Variants in SPATA20 observed in about 807,000 individuals in gnomAD.
The protein encoded by SPATA20 is spermatogenesis associated 20.
A neutral mutation model predicts 98.9 loss-of-function variants in SPATA20; 74 were observed. That is an observed-to-expected ratio of 0.75 (90% CI 0.62 to 0.91). The LOEUF (loss-of-function observed/expected upper bound fraction) is 0.91, where lower values mean the gene tolerates loss of function less well. SPATA20 is among the 40% of genes least tolerant of loss of function. The pLI is 0.00. For synonymous variants in SPATA20, 430 were observed against 440.5 expected, an observed-to-expected ratio of 0.98 and a Z score of 0.30; for missense variants, 1,016 against 1,069.8, an observed-to-expected ratio of 0.95 and a Z score of 0.70.
At chr17:50,552,675 C>T (rs2035035895) in intron 14 of SPATA20, among the ~76,000 whole-genome samples, 1 of 151,464 alleles carries the variant, frequency 6.6e-6, no homozygotes, top group African/African-American at 2.4e-5. Context: ...AATTCTCCCA[C>T]CTCAGCCTCC....
rs766843639 is a variant in SPATA20 at position 50,550,936 on chromosome 17, A to G, written c.1383+19A>G. 1 of 1,612,332 alleles carries G rather than the reference A, an allele frequency of 6.2e-7. No homozygotes were observed. Among genetic ancestry groups the G allele is most frequent in the Admixed American group, 1.7e-5 (1 of 60,014 alleles). ...CAGTCAGGTGAGGACTTCTGGGGTC[A>G]CCTGACGGGCCCTGGTGCCTGCCAG... On this transcript the variant is annotated intron_variant, in intron 11 of 16. Coordinates refer to ENST00000006658, the MANE Select transcript of SPATA20 (RefSeq NM_022827.4).
At chr17:50,551,375 ATGTC>A (rs2035013174) in intron 12 of SPATA20, 132 bp from the exon 13 acceptor site, 10 of 1,258,288 alleles carry the variant, frequency 7.9e-6, no homozygotes, top group South Asian at 4.4e-5. Flanking sequence ...GAACCCCGCC[ATGTC>A]TGGCTTTGGA....
intron 2 of SPATA20, 165 bp from the exon 3 acceptor site, chr17:50,548,117 TA>T: frequency 6.7e-7 from 1 of 1,502,834 alleles, no homozygotes; most frequent in Non-Finnish European, 8.8e-7. Flanking sequence ...CCAAAAAACA[TA>T]AGGGGGAGCA....
rs142207712 is a variant in SPATA20, at chr17:50,554,457, G to A, written c.2157+7G>A. The A allele has an allele frequency of 1.0e-3, 1,652 of 1,609,110 alleles. 9 individuals are homozygous for A. Among genetic ancestry groups the A allele is most frequent in the Middle Eastern group, 9.4e-3 (57 of 6,042 alleles). On this transcript the variant is annotated splice_region_variant and intron_variant, in intron 15 of 16. Coordinates refer to ENST00000006658, the MANE Select transcript of SPATA20 (RefSeq NM_022827.4). Reference sequence around the variant, plus strand: ...GCAGCAGACCCTCAAGCAGGTGGGGGGTGAGGGCATCTGGGCTGGGACCTC... The same window carrying A: ...GCAGCAGACCCTCAAGCAGGTGGGGAGTGAGGGCATCTGGGCTGGGACCTC...
rs968778093 is a variant in SPATA20 at position 50,547,498 on chromosome 17, C to T, written c.77+213C>T. 85 of 642,986 alleles carry T rather than the reference C, an allele frequency of 1.3e-4. 1 individual carries two copies. The highest frequency in any genetic ancestry group is 2.0e-4 in the Non-Finnish European group (70 of 354,952). 39.8% of individuals were successfully genotyped at this position (642,986 alleles called of 1,614,324 possible). ...CCCGTCCTCATCCCTTCCCTCCTCT[C>T]CCCTTCCTTCCAGTGCAGTGCCAGC... On this transcript the variant is annotated intron_variant, in intron 1 of 16. Transcript: ENST00000006658.
At chr17:50,548,046 C>G (rs1218795761) in intron 2 of SPATA20, 15 of 1,483,784 alleles carry the variant, frequency 1.0e-5, no homozygotes, top group Non-Finnish European at 1.2e-5. Flanking sequence ...CCGCCAGGCC[C>G]AGGAGGTTGG....
chr17:50,551,063 T>A lies in SPATA20; in HGVS notation c.1449T>A (p.Ala483=). The A allele has an allele frequency of 1.2e-6, 2 of 1,613,442 alleles. No individual in the cohort carries two copies. The highest frequency in any genetic ancestry group is 1.7e-6 in the Non-Finnish European group (2 of 1,180,012). ...TCCGGTACTCGCTGGAGCTGACTGC[T>A]GCCCGCTTTGGCTTGGATGTGGAGG... The part of the protein sequence containing the change: ...LTVRYSLELT[A]ARFGLDVEAV... The change falls in exon 12 of 17, where the codon GCT becomes GCA. Residue 483 remains alanine, a synonymous_variant. Coordinates refer to ENST00000006658, the MANE Select transcript of SPATA20 (RefSeq NM_022827.4).
Position 50,552,187 on chromosome 17 carries a change from G to C in SPATA20, c.1957+7G>C, listed in dbSNP as rs375591261. On this transcript the variant is annotated splice_region_variant and intron_variant, in intron 14 of 16. Transcript: ENST00000006658. ...CCCCTGCGTCTGAAGGACGGTCAGT[G>C]GGGGTGCAGGGCTAGTCTGGGGTCC... 25 of 1,612,826 alleles carry C rather than the reference G, an allele frequency of 1.6e-5. No individual in the cohort carries two copies. In the East Asian group the frequency reaches 4.9e-4, roughly 32 times the overall value.
chr17:50,551,306 T>C (rs1030659502), intron 12 of SPATA20, 116 bp downstream of exon 12: 1 of 1,230,440 alleles, frequency 8.1e-7, no homozygotes. Flanking sequence ...TTATTCTCAG[T>C]TGACAAAAGA....
chr17:50,553,831 TC>T (rs2035052861), intron 14 of SPATA20, among the ~76,000 whole-genome samples: 1 of 152,116 alleles, frequency 6.6e-6, no homozygotes, highest in African/African-American at 2.4e-5. Flanking sequence ...TGGTGAAGGC[TC>T]AGAGGATGTG....
In SPATA20 at chr17:50,555,717, G is replaced by T; in HGVS notation, c.*55G>T. ...AGGTGAAGCATCCCAACTGACTAGA[G>T]ACTCAGGCCCTGCAGGGCCCTATAG... is the stretch of plus-strand genomic sequence containing the variant. On this transcript the variant is annotated 3_prime_UTR_variant, in exon 17 of 17. Coordinates refer to ENST00000006658, the MANE Select transcript of SPATA20 (RefSeq NM_022827.4). 6.5e-7 allele frequency: 1 copy of T among 1,533,510 alleles called. No individual in the cohort carries two copies. The highest frequency in any genetic ancestry group is 1.2e-5 in the South Asian group (1 of 84,992). 95.0% of individuals were successfully genotyped at this position (1,533,510 alleles called of 1,614,324 possible). A position where few individuals can be genotyped will look rare whatever the true frequency, so the allele number is the denominator to read the frequency against.
At chr17:50,552,254 C>A in intron 14 of SPATA20, 74 bp downstream of exon 14, 2 of 1,303,146 alleles carry the variant, frequency 1.5e-6, no homozygotes, top group Non-Finnish European at 2.2e-6. Flanking sequence ...CTGGTGTGGG[C>A]AGGAGCCCTC....
chr17:50,550,966 G>T, intron 11 of SPATA20, 32 bp from the exon 12 acceptor site: 3 of 1,612,234 alleles, frequency 1.9e-6, no homozygotes, highest in Non-Finnish European at 2.5e-6. Flanking sequence ...TGCCAGGCGT[G>T]TGAGCTCGCA....
At position 50,551,061 on chromosome 17, in the gene SPATA20, G is replaced by A. The variant is rs1317534985; in HGVS notation, c.1447G>A (p.Ala483Thr). The A allele has an allele frequency of 6.2e-7, 1 of 1,613,324 alleles. No homozygotes were observed. The highest frequency in any genetic ancestry group is 1.3e-5 in the African/African-American group (1 of 74,944). Residue 483 changes from alanine to threonine, a missense_variant, in exon 12 of 17, where the codon GCT (alanine) becomes ACT (threonine). Ala to Thr is a moderately conservative substitution (Grantham distance 58, BLOSUM62 0). Transcript: ENST00000006658. ...CGTCCGGTACTCGCTGGAGCTGACT[G>A]CTGCCCGCTTTGGCTTGGATGTGGA... ...LTVRYSLELT[A>T]ARFGLDVEAV... is the part of the protein sequence containing the mutation.
chr17:50,548,575 C>T lies in SPATA20; in HGVS notation c.318C>T (p.Ala106=). The T allele has an allele frequency of 6.2e-7, 1 of 1,613,676 alleles. No homozygotes were observed. The highest frequency in any genetic ancestry group is 8.5e-7 in the Non-Finnish European group (1 of 1,179,864). ...CTAGGTACCCCTGGGGACAGGAAGC[C>T]TTCGACAAGGCCAGGAAGGAAAACA... is the stretch of plus-strand genomic sequence containing the variant. The part of the protein sequence containing the change: ...PVDWYPWGQE[A]FDKARKENKP... Residue 106 remains alanine, a synonymous_variant, in exon 4 of 17, where the codon GCC becomes GCT. Coordinates refer to ENST00000006658, the MANE Select transcript of SPATA20 (RefSeq NM_022827.4).
In SPATA20 at chr17:50,549,099, G is replaced by A; in HGVS notation, c.573G>A (p.Gln191=). Residue 191 remains glutamine, a synonymous_variant, in exon 6 of 17, where the codon CAG becomes CAA. Transcript: ENST00000006658. ...PMNVWLTPNL[Q]PFVGGTYFPP... ...ATGTGTGGCTGACTCCCAACCTCCA[G>A]CCCTTTGTCGGGGGCACCTATTTCC... The A allele has an allele frequency of 1.2e-6, 2 of 1,613,458 alleles. No individual in the cohort carries two copies. The highest frequency in any genetic ancestry group is 2.2e-5 in the East Asian group (1 of 44,882).
rs1212252639 is a variant in SPATA20, at chr17:50,548,538, AC to A, written c.297-13del. On this transcript the variant is annotated splice_polypyrimidine_tract_variant and intron_variant, in intron 3 of 16. Transcript: ENST00000006658. ...CCCCTGGGCTACTGAGTGATGCCCC[AC>A]CCTGCTGGGTCTAGGTACCCCTGGG... 1.2e-6 allele frequency: 2 copies of A among 1,613,280 alleles called. No individual in the cohort carries two copies. Among genetic ancestry groups the A allele is most frequent in the Admixed American group, 3.3e-5 (2 of 59,922 alleles).
In SPATA20 at chr17:50,551,462, G is replaced by A. The variant is rs762624326; in HGVS notation, c.1577-49G>A. On this transcript the variant is annotated intron_variant, in intron 12 of 16. Coordinates refer to ENST00000006658, the MANE Select transcript of SPATA20 (RefSeq NM_022827.4). ...CTAAGGTGATAGGGTGGACATGCCTGGAGGGTCCTGGCCAGCTTCTTACCA... is the reference window on the plus strand; with the variant it reads ...CTAAGGTGATAGGGTGGACATGCCTAGAGGGTCCTGGCCAGCTTCTTACCA... The A allele has an allele frequency of 3.2e-6, 5 of 1,561,314 alleles. No individual in the cohort carries two copies. The Admixed American group carries it at 6.9e-5, about 21-fold the overall frequency.
Position 50,552,092 on chromosome 17 carries a change from GGACAA to G in SPATA20, c.1871_1875del (p.Asp624AlafsTer14). The G allele has an allele frequency of 6.2e-7, 1 of 1,613,870 alleles. No homozygotes were observed. Among genetic ancestry groups the G allele is most frequent in the Non-Finnish European group, 8.5e-7 (1 of 1,180,002 alleles). On this transcript the variant is annotated frameshift_variant, in exon 14 of 17. Coordinates refer to ENST00000006658, the MANE Select transcript of SPATA20 (RefSeq NM_022827.4). LOFTEE classifies it high-confidence loss of function. ...GGGCTCTGCGGCTGCAGGACACACA[GGACAA>G]GCTCTTTTGGGACTCCCAGGGTGGC...
Sources: allele counts gnomAD v4.1 joint callset (sites outside exome capture counted in the v4.1 genomes callset), GRCh38; gene constraint gnomAD v4.1.1; transcripts MANE v1.5; gene names NCBI Gene and HGNC (gene_info 2026-07-23, HGNC 2026-07-21).